Variants in SPIRE1 observed in about 807,000 individuals in gnomAD.
SPIRE1 encodes protein spire homolog 1.
SPIRE1 carries 40 observed loss-of-function variants against 94.1 expected under a neutral mutation model. The ratio of observed to expected loss-of-function variants is 0.43; its 90% CI spans 0.33 to 0.55. SPIRE1 has a LOEUF of 0.55. Among genes scored for constraint, SPIRE1 ranks in the 20% least tolerant of loss-of-function variants. The probability of loss-of-function intolerance (pLI) is 0.06; values close to 1 mark genes in which losing one functional copy is unlikely to be tolerated. For missense variants in SPIRE1, 838 were observed against 975.2 expected (o/e 0.86, Z 1.87); for synonymous variants, 376 against 371.7 (o/e 1.01, Z -0.13).
rs938070956 is a variant in SPIRE1 at position 12,601,306 on chromosome 18, C to T, written c.372+33756G>A. ...GGCATGGTGGGGGGCACCTGTAATC[C>T]CAGCTACTTGGGAGGCTGAGGCAGG... is the stretch of plus-strand genomic sequence containing the variant. On this transcript the variant is annotated intron_variant, in intron 2 of 16. Coordinates refer to ENST00000409402, the MANE Select transcript of SPIRE1 (RefSeq NM_001128626.2). 2.4e-4 allele frequency among the ~76,000 whole-genome samples: 37 copies of T among 151,862 alleles called. 1 individual carries two copies. Among genetic ancestry groups the T allele is most frequent in the South Asian group, 2.1e-3 (10 of 4,792 alleles).
At chr18:12,545,594 G>A (rs1256548779) in intron 3 of SPIRE1, among the ~76,000 whole-genome samples, 1 of 152,192 alleles carries the variant, frequency 6.6e-6, no homozygotes, top group Non-Finnish European at 1.5e-5. Context: ...TCTGTTTGAT[G>A]TTAATCTCTG....
intron 10 of SPIRE1, among the ~76,000 whole-genome samples, chr18:12,477,641 AC>A (rs2032655647): frequency 6.6e-6 from 1 of 152,166 alleles, no homozygotes; most frequent in Admixed American, 6.5e-5. Context: ...TTCCAGTGAA[AC>A]AGAGGGATGA....
At chr18:12,639,334 G>A (rs1360639596) in intron 1 of SPIRE1, among the ~76,000 whole-genome samples, 1 of 152,162 alleles carries the variant, frequency 6.6e-6, no homozygotes, top group African/African-American at 2.4e-5. Context: ...TAGGTCTGGT[G>A]CAGTAAAACA....
chr18:12,619,494 C>T (rs972266152), intron 2 of SPIRE1, among the ~76,000 whole-genome samples: 15 of 151,518 alleles, frequency 9.9e-5, no homozygotes, highest in South Asian at 2.1e-4. Context: ...GGCGATACAG[C>T]GAGACTCCGT....
At chr18:12,500,486 A>C (rs1391898544) in intron 6 of SPIRE1, among the ~76,000 whole-genome samples, 3 of 152,178 alleles carry the variant, frequency 2.0e-5, no homozygotes, top group Admixed American at 2.0e-4. Context: ...GGATGGGAGA[A>C]ACTGGGCCCC....
At chr18:12,625,536 A>G (rs2037596919) in intron 2 of SPIRE1, among the ~76,000 whole-genome samples, 1 of 152,236 alleles carries the variant, frequency 6.6e-6, no homozygotes, top group Non-Finnish European at 1.5e-5. Context: ...TAGATTCAAT[A>G]ATAATTGCCT....
At chr18:12,589,051 AAGG>A (rs1435443377) in intron 2 of SPIRE1, among the ~76,000 whole-genome samples, 1 of 152,202 alleles carries the variant, frequency 6.6e-6, no homozygotes. Flanking sequence ...AGGCAGCTTA[AAGG>A]TAATTTTCAT....
intron 2 of SPIRE1, among the ~76,000 whole-genome samples, chr18:12,626,052 A>ACC (rs2037617463): frequency 1.0e-5 from 1 of 97,106 alleles, no homozygotes. Context: ...GCCCCCCCCC[A>ACC]AAAAAAGGAA....
At chr18:12,454,856 T>C (rs1472404532) in intron 12 of SPIRE1, among the ~76,000 whole-genome samples, 2 of 152,212 alleles carry the variant, frequency 1.3e-5, no homozygotes, top group Non-Finnish European at 2.9e-5. Flanking sequence ...GTCAGTTGTC[T>C]TCTACACCTA....
At chr18:12,563,001 T>C (rs983550473) in intron 2 of SPIRE1, among the ~76,000 whole-genome samples, 1 of 152,206 alleles carries the variant, frequency 6.6e-6, no homozygotes, top group African/African-American at 2.4e-5. Context: ...AGATATGCAA[T>C]CACTGTAATT....
At chr18:12,535,700 T>C (rs772698199) in intron 3 of SPIRE1, 99 bp from the exon 4 acceptor site, 43 of 1,120,510 alleles carry the variant, frequency 3.8e-5, no homozygotes, top group Non-Finnish European at 5.3e-5. Flanking sequence ...TTCACGCCTG[T>C]AATCCCAGCA....
At chr18:12,550,455 G>C (rs1490681812) in intron 2 of SPIRE1, among the ~76,000 whole-genome samples, 2 of 152,146 alleles carry the variant, frequency 1.3e-5, no homozygotes, top group Non-Finnish European at 2.9e-5. Flanking sequence ...GAGTGCAATG[G>C]TGTGATCGTG....
At chr18:12,522,139 A>G (rs1456597511) in intron 4 of SPIRE1, among the ~76,000 whole-genome samples, 1 of 152,226 alleles carries the variant, frequency 6.6e-6, no homozygotes, top group Non-Finnish European at 1.5e-5. Context: ...TCCTTGCACC[A>G]AACAGCCAAG....
At chr18:12,532,200 T>C (rs935094792) in intron 4 of SPIRE1, among the ~76,000 whole-genome samples, 4 of 152,182 alleles carry the variant, frequency 2.6e-5, no homozygotes, top group Non-Finnish European at 4.4e-5. Context: ...GATTAGAATA[T>C]AAACAAATTT....
At chr18:12,530,965 C>G (rs1206812439) in intron 4 of SPIRE1, among the ~76,000 whole-genome samples, 1 of 152,166 alleles carries the variant, frequency 6.6e-6, no homozygotes, top group African/African-American at 2.4e-5. Context: ...AGGAACGTAT[C>G]AGAAAAAAAT....
intron 2 of SPIRE1, among the ~76,000 whole-genome samples, chr18:12,614,756 T>C (rs1280013216): frequency 6.6e-6 from 1 of 152,028 alleles, no homozygotes; most frequent in Non-Finnish European, 1.5e-5. Flanking sequence ...AGGCAGAGGT[T>C]GCAGTGAGCT....
chr18:12,466,298 A>G (rs1020206912), intron 10 of SPIRE1, among the ~76,000 whole-genome samples: 1 of 152,080 alleles, frequency 6.6e-6, no homozygotes, highest in African/African-American at 2.4e-5. Flanking sequence ...TATTTTTGAG[A>G]CGGAGTCTCA....
At chr18:12,645,791 T>A (rs1170267860) in intron 1 of SPIRE1, among the ~76,000 whole-genome samples, 1 of 152,156 alleles carries the variant, frequency 6.6e-6, no homozygotes. Context: ...CCACTGCCTG[T>A]ACAGACTATA....
At chr18:12,533,185 A>G (rs903889736) in intron 4 of SPIRE1, among the ~76,000 whole-genome samples, 7 of 152,190 alleles carry the variant, frequency 4.6e-5, no homozygotes, top group African/African-American at 1.7e-4. Flanking sequence ...TAATGCCTAT[A>G]AAGTCCTAGT....
Sources: allele counts gnomAD v4.1 joint callset (sites outside exome capture counted in the v4.1 genomes callset), GRCh38; gene constraint gnomAD v4.1.1; transcripts MANE v1.5; gene names NCBI Gene and HGNC (gene_info 2026-07-23, HGNC 2026-07-21).